SIMC1: variants seen among roughly 807,000 people sequenced by gnomAD.
SIMC1 encodes SUMO-interacting motif-containing protein 1.
Under a neutral mutation model 82.3 loss-of-function variants are expected in SIMC1, and 55 were observed. That is an observed-to-expected ratio of 0.67 (90% CI 0.54 to 0.84). The LOEUF (loss-of-function observed/expected upper bound fraction) is 0.84. Ranked by LOEUF, SIMC1 falls within the 40% of genes least tolerant of loss-of-function variation. The pLI is 0.00. For missense variants in SIMC1, 915 were observed against 1,107.2 expected (o/e 0.83, Z 2.46); for synonymous variants, 353 against 426.3 (o/e 0.83, Z 2.12).
chr5:176,344,335 T>C (rs1014376207), intron 9 of SIMC1, among the ~76,000 whole-genome samples: 1 of 152,142 alleles, frequency 6.6e-6, no homozygotes, highest in Non-Finnish European at 1.5e-5. Context: ...GGATGTTTAA[T>C]TGCTTACTCG....
intron 5 of SIMC1, among the ~76,000 whole-genome samples, chr5:176,320,459 C>G (rs1355803121): frequency 6.6e-6 from 1 of 152,022 alleles, no homozygotes; most frequent in Non-Finnish European, 1.5e-5. Context: ...CTTTGACCTC[C>G]CTGGGGTCAG....
At chr5:176,294,281 T>C (rs1264206743) in intron 2 of SIMC1, among the ~76,000 whole-genome samples, 15 of 69,680 alleles carry the variant, frequency 2.2e-4, no homozygotes, top group Admixed American at 2.1e-3. Flanking sequence ...TAGATAAAGC[T>C]CTTTTTTGTC....
intron 1 of SIMC1, among the ~76,000 whole-genome samples, chr5:176,252,212 T>TG (rs1761686504): frequency 1.2e-5 from 1 of 84,562 alleles, no homozygotes; most frequent in Non-Finnish European, 2.7e-5. Context: ...GGCGGGGGGC[T>TG]GACCGCCCCC....
intron 1 of SIMC1, among the ~76,000 whole-genome samples, chr5:176,275,149 C>T (rs1271036902): frequency 4.0e-5 from 6 of 151,486 alleles, no homozygotes; most frequent in Non-Finnish European, 7.4e-5. Context: ...TCTTTTATTT[C>T]CTTGAGCAGT....
intron 4 of SIMC1, among the ~76,000 whole-genome samples, chr5:176,309,211 A>G (rs1764553405): frequency 6.6e-6 from 1 of 152,220 alleles, no homozygotes; most frequent in Admixed American, 6.5e-5. Flanking sequence ...GAACCCAGAA[A>G]TAAACCCATA....
intron 3 of SIMC1, chr5:176,296,037 A>G (rs1420980383): frequency 1.2e-6 from 1 of 830,624 alleles, no homozygotes; most frequent in Non-Finnish European, 1.9e-6. Context: ...AAATTATAGT[A>G]CTAAAGCTTT....
chr5:176,319,442 G>A (rs983128143), intron 5 of SIMC1, among the ~76,000 whole-genome samples: 2 of 151,888 alleles, frequency 1.3e-5, no homozygotes, highest in Admixed American at 6.6e-5. Flanking sequence ...GCTGAGGCAG[G>A]AGGATCGCTT....
intron 1 of SIMC1, among the ~76,000 whole-genome samples, chr5:176,286,922 C>T (rs1251836788): frequency 2.6e-5 from 4 of 152,132 alleles, no homozygotes; most frequent in African/African-American, 7.2e-5. Context: ...ATCAAAACCA[C>T]AATGAGATAC....
At chr5:176,245,795 T>C (rs1015438391) in intron 1 of SIMC1, among the ~76,000 whole-genome samples, 17 of 152,046 alleles carry the variant, frequency 1.1e-4, no homozygotes, top group Non-Finnish European at 4.4e-5. Flanking sequence ...ATGAGGAGGA[T>C]TACATAATTG....
At chr5:176,295,387 T>C (rs1763770904) in intron 3 of SIMC1, 125 bp downstream of exon 3, 4 of 1,445,962 alleles carry the variant, frequency 2.8e-6, no homozygotes, top group Non-Finnish European at 3.7e-6. Context: ...ATTAGTGTTA[T>C]TTGAATTGCA....
intron 4 of SIMC1, chr5:176,313,441 A>G: frequency 6.5e-7 from 1 of 1,549,196 alleles, no homozygotes; most frequent in Non-Finnish European, 8.7e-7. Context: ...AGATCCTTTG[A>G]ACAAGTAATA....
intron 1 of SIMC1, among the ~76,000 whole-genome samples, chr5:176,270,036 C>T (rs1428166049): frequency 6.6e-6 from 1 of 151,660 alleles, no homozygotes; most frequent in Non-Finnish European, 1.5e-5. Flanking sequence ...GGATTACAGG[C>T]ATGCACCACT....
At chr5:176,313,940 AG>A (rs1764787354) in intron 5 of SIMC1, 95 bp downstream of exon 5, 1 of 1,523,746 alleles carries the variant, frequency 6.6e-7, no homozygotes. Flanking sequence ...GAGGTTTTCT[AG>A]TCAGTAGATA....
At chr5:176,242,100 C>G (rs1260618281) in intron 1 of SIMC1, among the ~76,000 whole-genome samples, 1 of 152,116 alleles carries the variant, frequency 6.6e-6, no homozygotes, top group Non-Finnish European at 1.5e-5. Flanking sequence ...ACACAGTTTA[C>G]TGGGAAGTAG....
intron 5 of SIMC1, among the ~76,000 whole-genome samples, chr5:176,317,756 T>G (rs1056902114): frequency 1.3e-5 from 2 of 152,218 alleles, no homozygotes; most frequent in African/African-American, 4.8e-5. Flanking sequence ...ATTATCCTAT[T>G]TTTAAGTTTC....
intron 4 of SIMC1, among the ~76,000 whole-genome samples, chr5:176,304,838 G>A (rs1475169277): frequency 3.4e-5 from 5 of 148,458 alleles, no homozygotes; most frequent in East Asian, 4.1e-4. Context: ...CTGCCCCGCC[G>A]CCCCATCTGG....
Position 176,313,860 on chromosome 5 carries a change from G to A in SIMC1, c.1889+15G>A. The A allele has an allele frequency of 6.2e-7, 1 of 1,612,922 alleles. No homozygotes were observed. ...CACAATGTCAGGTAAGCAGCCACCT[G>A]AGCCCTCGGATGAGAAGAGGTAAGG... On this transcript the variant is annotated intron_variant, in intron 5 of 9. Transcript: ENST00000429602.
chr5:176,313,821 G>T lies in SIMC1; in HGVS notation c.1865G>T (p.Cys622Phe). Residue 622 changes from cysteine (C) to phenylalanine (F), a missense_variant, in exon 5 of 10, where the codon TGT becomes TTT. Coordinates refer to ENST00000429602, the MANE Select transcript of SIMC1 (RefSeq NM_001308195.2). ...TCCATTGCAAACATGGTGCTTTCCTGTGACAAGCAGCCCCACAATGTCAGG... is the reference window on the plus strand; with the variant it reads ...TCCATTGCAAACATGGTGCTTTCCTTTGACAAGCAGCCCCACAATGTCAGG... ...QQSIANMVLS[C>F]DKQPHNVRDV... 6.2e-7 allele frequency: 1 copy of T among 1,613,706 alleles called. No homozygotes were observed.
At chr5:176,310,823 G>T (rs939277155) in intron 4 of SIMC1, among the ~76,000 whole-genome samples, 4 of 152,094 alleles carry the variant, frequency 2.6e-5, no homozygotes, top group Admixed American at 2.0e-4. Flanking sequence ...ACACACAAAT[G>T]AATGCATGTA....
Sources: allele counts gnomAD v4.1 joint callset (sites outside exome capture counted in the v4.1 genomes callset), GRCh38; gene constraint gnomAD v4.1.1; transcripts MANE v1.5; gene names NCBI Gene and HGNC (gene_info 2026-07-23, HGNC 2026-07-21).